Variants in RCAN2 observed in about 807,000 individuals in gnomAD.
The protein encoded by RCAN2 is calcipressin-2.
RCAN2 carries 9 observed loss-of-function variants against 23.6 expected under a neutral mutation model. That is an observed-to-expected ratio of 0.38 (90% CI 0.23 to 0.67). The LOEUF (loss-of-function observed/expected upper bound fraction) is 0.67. Ranked by LOEUF, RCAN2 falls within the 30% of genes least tolerant of loss-of-function variation. The pLI, the probability that RCAN2 is intolerant of heterozygous loss-of-function variation, is 0.51. For synonymous variants in RCAN2, 109 were observed against 115.7 expected, an observed-to-expected ratio of 0.94 and a Z score of 0.37; for missense variants, 273 against 302.3, an observed-to-expected ratio of 0.90 and a Z score of 0.72.
intron 2 of RCAN2, among the ~76,000 whole-genome samples, chr6:46,444,207 C>A (rs1037668232): frequency 6.6e-6 from 1 of 152,236 alleles, no homozygotes; most frequent in African/African-American, 2.4e-5. Flanking sequence ...TCAAGACAAA[C>A]GTGCACAGAG....
At chr6:46,303,463 ACTT>A (rs1405759945) in intron 2 of RCAN2, among the ~76,000 whole-genome samples, 2 of 152,080 alleles carry the variant, frequency 1.3e-5, no homozygotes, top group East Asian at 3.9e-4. Context: ...TTATGGTGCT[ACTT>A]CTTCTCCTAC....
At chr6:46,282,598 T>C (rs1383219149) in intron 2 of RCAN2, among the ~76,000 whole-genome samples, 1 of 152,246 alleles carries the variant, frequency 6.6e-6, no homozygotes, top group African/African-American at 2.4e-5. Context: ...CTGAATATGT[T>C]TGTGTTCATT....
At chr6:46,238,136 T>A (rs1049810293) in intron 4 of RCAN2, among the ~76,000 whole-genome samples, 1 of 152,192 alleles carries the variant, frequency 6.6e-6, no homozygotes, top group Non-Finnish European at 1.5e-5. Context: ...ATTGTTCTTG[T>A]CTTCCCCTAG....
At chr6:46,239,654 G>T (rs1454559711) in intron 4 of RCAN2, among the ~76,000 whole-genome samples, 1 of 152,162 alleles carries the variant, frequency 6.6e-6, no homozygotes, top group African/African-American at 2.4e-5. Flanking sequence ...TAGGAAATAA[G>T]AAGGGGTCCT....
intron 4 of RCAN2, among the ~76,000 whole-genome samples, chr6:46,233,761 T>C (rs1418880568): frequency 4.6e-5 from 7 of 151,782 alleles, no homozygotes; most frequent in Non-Finnish European, 8.8e-5. Flanking sequence ...GTTTTGCTCT[T>C]GTTGCCCAGG....
chr6:46,392,186 G>A (rs954888831), intron 2 of RCAN2, among the ~76,000 whole-genome samples: 1 of 152,174 alleles, frequency 6.6e-6, no homozygotes, highest in Non-Finnish European at 1.5e-5. Context: ...GGTTGACCAT[G>A]GCCAAGCCCA....
At chr6:46,455,729 G>T (rs1198412790) in intron 2 of RCAN2, among the ~76,000 whole-genome samples, 1 of 151,688 alleles carries the variant, frequency 6.6e-6, no homozygotes, top group Non-Finnish European at 1.5e-5. Context: ...GGTGATGGGC[G>T]CCTGTAGTCC....
At chr6:46,235,507 C>T (rs1766059499) in intron 4 of RCAN2, among the ~76,000 whole-genome samples, 1 of 152,200 alleles carries the variant, frequency 6.6e-6, no homozygotes, top group African/African-American at 2.4e-5. Context: ...ACACATGCAT[C>T]CTGACTTACT....
At chr6:46,412,585 G>A (rs1311579515) in intron 2 of RCAN2, among the ~76,000 whole-genome samples, 1 of 152,188 alleles carries the variant, frequency 6.6e-6, no homozygotes, top group South Asian at 2.1e-4. Flanking sequence ...GTAGCAATGA[G>A]GAAGGTGAAA....
intron 2 of RCAN2, among the ~76,000 whole-genome samples, chr6:46,452,494 C>T (rs1233918233): frequency 1.3e-5 from 2 of 152,204 alleles, no homozygotes; most frequent in Non-Finnish European, 1.5e-5. Flanking sequence ...CACTACTTGG[C>T]ACAATGCCAG....
At chr6:46,434,507 A>G (rs888053613) in intron 2 of RCAN2, among the ~76,000 whole-genome samples, 2 of 152,166 alleles carry the variant, frequency 1.3e-5, no homozygotes. Context: ...GACTGCCCCA[A>G]AGCAGCTCAT....
At chr6:46,405,761 G>C (rs1766382324) in intron 2 of RCAN2, among the ~76,000 whole-genome samples, 1 of 152,204 alleles carries the variant, frequency 6.6e-6, no homozygotes, top group Admixed American at 6.5e-5. Context: ...CGCACCGTGC[G>C]CTCGCACTCC....
At chr6:46,268,291 G>A (rs1332542219) in intron 2 of RCAN2, among the ~76,000 whole-genome samples, 2 of 152,088 alleles carry the variant, frequency 1.3e-5, no homozygotes, top group Non-Finnish European at 2.9e-5. Flanking sequence ...TATCTCATTG[G>A]TAACTCCACA....
intron 1 of RCAN2, among the ~76,000 whole-genome samples, chr6:46,462,898 G>A (rs942422583): frequency 6.6e-6 from 1 of 152,146 alleles, no homozygotes; most frequent in Non-Finnish European, 1.5e-5. Flanking sequence ...TGAGAGCAGG[G>A]AGCCATGCAT....
intron 2 of RCAN2, among the ~76,000 whole-genome samples, chr6:46,286,965 G>A (rs535411300): frequency 3.6e-4 from 54 of 151,750 alleles, no homozygotes; most frequent in African/African-American, 1.2e-3. Flanking sequence ...AGATCGCGCC[G>A]TTGTACTCTA....
At position 46,345,336 on chromosome 6, in the gene RCAN2, GA is replaced by G. The variant is rs568908920; in HGVS notation, c.226-96441del. Among the ~76,000 whole-genome samples, 6 of 151,668 alleles carry G rather than the reference GA, an allele frequency of 4.0e-5. 1 individual carries two copies. The highest frequency in any genetic ancestry group is 4.1e-4 in the South Asian group (2 of 4,826). ...TTAACACCTTTCTCAGAAATTGATA[GA>G]AAAAAAATAAAAATCAGAAAAGATG... On this transcript the variant is annotated intron_variant, in intron 2 of 4. Coordinates refer to ENST00000371374, the MANE Select transcript of RCAN2 (RefSeq NM_001251974.2).
chr6:46,280,387 C>A (rs1014120392), intron 2 of RCAN2, among the ~76,000 whole-genome samples: 4 of 152,026 alleles, frequency 2.6e-5, no homozygotes, highest in Admixed American at 6.6e-5. Context: ...GAACATTGAA[C>A]CTTTGCAAGA....
At chr6:46,326,952 T>C (rs189194899) in intron 2 of RCAN2, among the ~76,000 whole-genome samples, 2 of 152,258 alleles carry the variant, frequency 1.3e-5, no homozygotes, top group East Asian at 3.9e-4. Context: ...GATGAAACTG[T>C]GTGTGTGTGT....
At chr6:46,370,191 C>G (rs1765289382) in intron 2 of RCAN2, among the ~76,000 whole-genome samples, 1 of 152,206 alleles carries the variant, frequency 6.6e-6, no homozygotes, top group Non-Finnish European at 1.5e-5. Flanking sequence ...TCAAATCACT[C>G]TCCTTCTGGA....
Sources: gnomAD v4.1 joint callset for allele counts (sites outside exome capture counted in the v4.1 genomes callset) on GRCh38, gnomAD v4.1.1 for gene constraint, MANE v1.5 for transcripts, NCBI Gene and HGNC (gene_info 2026-07-23, HGNC 2026-07-21) for gene names.